LRP1B: variants seen among roughly 807,000 people sequenced by gnomAD.
The protein encoded by LRP1B is LDL receptor related protein 1B, also known as low-density lipoprotein receptor-related protein 1B.
Under a neutral mutation model 556.6 loss-of-function variants are expected in LRP1B, and 217 were observed. The ratio of observed to expected loss-of-function variants is 0.39; its 90% CI spans 0.35 to 0.44. The LOEUF (loss-of-function observed/expected upper bound fraction) is 0.44, where lower values mean the gene tolerates loss of function less well. Among genes scored for constraint, LRP1B ranks in the 20% least tolerant of loss-of-function variants. LRP1B has a pLI of 1.00. For synonymous variants in LRP1B, 2,047 were observed against 1,865.8 expected, an observed-to-expected ratio of 1.10 and a Z score of -2.50; for missense variants, 5,053 against 5,620.8, an observed-to-expected ratio of 0.90 and a Z score of 3.23.
intron 1 of LRP1B, among the ~76,000 whole-genome samples, chr2:141,819,803 C>G (rs1228262439): frequency 6.6e-6 from 1 of 152,126 alleles, no homozygotes; most frequent in Non-Finnish European, 1.5e-5. Context: ...GCTAATTACC[C>G]TGATCTCATC....
intron 2 of LRP1B, among the ~76,000 whole-genome samples, chr2:141,578,562 T>C (rs1019549315): frequency 6.6e-6 from 1 of 152,142 alleles, no homozygotes; most frequent in African/African-American, 2.4e-5. Flanking sequence ...TGGTATTTAG[T>C]AGTGAGTTCA....
At chr2:140,673,519 C>A (rs1182521236) in intron 41 of LRP1B, among the ~76,000 whole-genome samples, 1 of 152,100 alleles carries the variant, frequency 6.6e-6, no homozygotes, top group Admixed American at 6.6e-5. Flanking sequence ...TCTGAGTCCC[C>A]ATGAGAATAA....
At chr2:141,116,605 AG>A (rs1700905862) in intron 7 of LRP1B, among the ~76,000 whole-genome samples, 1 of 152,150 alleles carries the variant, frequency 6.6e-6, no homozygotes, top group African/African-American at 2.4e-5. Context: ...ACCAAATCCC[AG>A]GGGCTCCTTA....
chr2:141,436,862 C>A (rs1394906417), intron 3 of LRP1B, among the ~76,000 whole-genome samples: 2 of 152,074 alleles, frequency 1.3e-5, no homozygotes, highest in African/African-American at 4.8e-5. Flanking sequence ...TAAAGCTACA[C>A]ATATAGTTCT....
At chr2:141,951,152 T>C (rs538868695) in intron 1 of LRP1B, among the ~76,000 whole-genome samples, 54 of 152,186 alleles carry the variant, frequency 3.5e-4, no homozygotes, top group Non-Finnish European at 6.5e-4. Flanking sequence ...TTTCACATTA[T>C]GCTTTCTTCT....
chr2:140,644,556 C>T (rs1200286533), intron 41 of LRP1B, among the ~76,000 whole-genome samples: 1 of 151,838 alleles, frequency 6.6e-6, no homozygotes, highest in African/African-American at 2.4e-5. Flanking sequence ...TGTCACCATG[C>T]CTGGCTAATT....
intron 6 of LRP1B, among the ~76,000 whole-genome samples, chr2:141,196,715 G>C (rs1221696668): frequency 1.3e-5 from 2 of 152,074 alleles, no homozygotes; most frequent in Admixed American, 6.6e-5. Flanking sequence ...ATTCTAGTCA[G>C]TTTTTTATTG....
intron 7 of LRP1B, among the ~76,000 whole-genome samples, chr2:141,069,503 C>G (rs1176723628): frequency 7.2e-5 from 11 of 152,058 alleles, no homozygotes; most frequent in Admixed American, 7.2e-4. Flanking sequence ...TAGGCCCTAT[C>G]AGCAAGAGAA....
chr2:140,498,270 G>GA (rs1379375957), intron 55 of LRP1B, among the ~76,000 whole-genome samples: 5 of 151,740 alleles, frequency 3.3e-5, no homozygotes, highest in Admixed American at 6.6e-5. Flanking sequence ...ATAGCTGGCA[G>GA]AAAAAATAAC....
At chr2:141,942,230 T>C (rs1025442023) in intron 1 of LRP1B, among the ~76,000 whole-genome samples, 2 of 152,160 alleles carry the variant, frequency 1.3e-5, no homozygotes, top group Non-Finnish European at 2.9e-5. Context: ...CCACCACACA[T>C]CTTTTCTCTT....
intron 3 of LRP1B, among the ~76,000 whole-genome samples, chr2:141,424,709 T>A (rs1680286409): frequency 6.6e-6 from 1 of 152,200 alleles, no homozygotes; most frequent in Non-Finnish European, 1.5e-5. Flanking sequence ...TTTGACTGAT[T>A]TTTGTTATTG....
At chr2:140,773,521 T>C (rs1449304069) in intron 33 of LRP1B, among the ~76,000 whole-genome samples, 1 of 151,914 alleles carries the variant, frequency 6.6e-6, no homozygotes, top group Non-Finnish European at 1.5e-5. Context: ...GCCTTGATAA[T>C]AGCAAAAATA....
At chr2:141,968,195 G>T (rs1376180582) in intron 1 of LRP1B, among the ~76,000 whole-genome samples, 1 of 151,746 alleles carries the variant, frequency 6.6e-6, no homozygotes, top group Non-Finnish European at 1.5e-5. Flanking sequence ...CAACCGTTTT[G>T]ACTTGGTGGA....
chr2:141,902,049 T>C (rs1372684688), intron 1 of LRP1B, among the ~76,000 whole-genome samples: 1 of 107,850 alleles, frequency 9.3e-6, no homozygotes, highest in East Asian at 3.1e-4. Context: ...GTGATAATCA[T>C]GAAAAAAGAA....
intron 1 of LRP1B, among the ~76,000 whole-genome samples, chr2:141,854,121 G>A (rs993113241): frequency 6.6e-5 from 10 of 152,036 alleles, no homozygotes; most frequent in African/African-American, 2.4e-4. Flanking sequence ...CAATTATGTT[G>A]CATTCATGTA....
intron 1 of LRP1B, among the ~76,000 whole-genome samples, chr2:141,952,005 C>G (rs1373899059): frequency 8.2e-6 from 1 of 121,890 alleles, no homozygotes; most frequent in South Asian, 3.3e-4. Flanking sequence ...CCCCTCTCCC[C>G]CCACCCCACG....
At chr2:140,550,737 C>T (rs1419223636) in intron 43 of LRP1B, among the ~76,000 whole-genome samples, 2 of 152,068 alleles carry the variant, frequency 1.3e-5, no homozygotes, top group African/African-American at 2.4e-5. Context: ...TAGTATTTCT[C>T]GTTTGGATTT....
intron 65 of LRP1B, 85 bp from the exon 66 acceptor site, chr2:140,442,708 A>G: frequency 7.3e-7 from 1 of 1,365,018 alleles, no homozygotes; most frequent in Non-Finnish European, 1.0e-6. Flanking sequence ...AATGTTTAAG[A>G]CAGTTTATCG....
At chr2:140,322,226 T>G in intron 81 of LRP1B, 138 bp from the exon 82 acceptor site, 2 of 763,750 alleles carry the variant, frequency 2.6e-6, no homozygotes, top group South Asian at 3.6e-5. Flanking sequence ...ATGTGGAGTA[T>G]CTCACTCAAT....
Sources: allele counts gnomAD v4.1 joint callset (sites outside exome capture counted in the v4.1 genomes callset), GRCh38; gene constraint gnomAD v4.1.1; transcripts MANE v1.5; gene names NCBI Gene and HGNC (gene_info 2026-07-23, HGNC 2026-07-21).